Variants in CEMIP2 observed in about 807,000 individuals in gnomAD.
CEMIP2 encodes cell migration inducing hyaluronidase 2, also known as cell surface hyaluronidase CEMIP2.
CEMIP2 carries 79 observed loss-of-function variants against 146.9 expected under a neutral mutation model. That is an observed-to-expected ratio of 0.54 (90% CI 0.45 to 0.65). The LOEUF (loss-of-function observed/expected upper bound fraction) is 0.65. Ranked by LOEUF, CEMIP2 falls within the 30% of genes least tolerant of loss-of-function variation. CEMIP2 has a pLI of 0.00. For missense variants in CEMIP2, 1,596 were observed against 1,696.2 expected, an observed-to-expected ratio of 0.94 and a Z score of 1.04; for synonymous variants, 601 against 606.3, an observed-to-expected ratio of 0.99 and a Z score of 0.13.
chr9:71,707,598 G>A lies in CEMIP2; in HGVS notation c.2985+1661C>T, dbSNP rs1235112316. Reference sequence around the variant, plus strand: ...TCCAATTATTGAAAGCTCAGGTGGTGGAAACAACATGTAATTCAGGGGGCT... The same window carrying A: ...TCCAATTATTGAAAGCTCAGGTGGTAGAAACAACATGTAATTCAGGGGGCT... On this transcript the variant is annotated intron_variant, in intron 17 of 23. Coordinates refer to ENST00000377044, the MANE Select transcript of CEMIP2 (RefSeq NM_013390.3). Among the ~76,000 whole-genome samples, 10 of 152,304 alleles carry A rather than the reference G, an allele frequency of 6.6e-5. No individual in the cohort carries two copies. In the East Asian group the frequency reaches 1.9e-3, roughly 29 times the overall value.
At chr9:71,693,669 C>A (rs952627348) in intron 21 of CEMIP2, among the ~76,000 whole-genome samples, 1 of 152,182 alleles carries the variant, frequency 6.6e-6, no homozygotes, top group Admixed American at 6.5e-5. Flanking sequence ...GTTATTTATA[C>A]CTCTATTGTA....
At chr9:71,755,961 CAAAAAAAAAA>C (rs55972127) in intron 1 of CEMIP2, among the ~76,000 whole-genome samples, 3 of 52,898 alleles carry the variant, frequency 5.7e-5, no homozygotes, top group Non-Finnish European at 1.1e-4. Flanking sequence ...CTCTGTCTCA[CAAAAAAAAAA>C]AAAAAAAAAA....
chr9:71,695,653 G>A (rs932700756), intron 20 of CEMIP2, among the ~76,000 whole-genome samples: 19 of 151,976 alleles, frequency 1.3e-4, no homozygotes, highest in South Asian at 4.2e-4. Flanking sequence ...TAGCCTGGGC[G>A]ACAGAGTGAG....
intron 2 of CEMIP2, among the ~76,000 whole-genome samples, chr9:71,747,878 T>C (rs1824133165): frequency 6.6e-6 from 1 of 152,202 alleles, no homozygotes; most frequent in Non-Finnish European, 1.5e-5. Context: ...GAATTAGTTT[T>C]TCTCACAGCA....
At chr9:71,736,288 T>G (rs1480774284) in intron 5 of CEMIP2, among the ~76,000 whole-genome samples, 1 of 152,150 alleles carries the variant, frequency 6.6e-6, no homozygotes, top group African/African-American at 2.4e-5. Flanking sequence ...TCCGGTATTC[T>G]CTCGGTATAC....
In CEMIP2 at chr9:71,744,554, G is replaced by A. The variant is rs988548282; in HGVS notation, c.1034+464C>T. ...CAGCCTGCAAAGGAGTCCGAAAAAA[G>A]AAAAAGAAAAAGAAAAACTGCATAT... On this transcript the variant is annotated intron_variant, in intron 4 of 23. Transcript: ENST00000377044. Among the ~76,000 whole-genome samples, 5 of 152,008 alleles carry A rather than the reference G, an allele frequency of 3.3e-5. No homozygotes were observed. The South Asian group carries it at 1.0e-3, about 32-fold the overall frequency.
chr9:71,703,015 T>C (rs148825291), intron 18 of CEMIP2, among the ~76,000 whole-genome samples: 5 of 152,340 alleles, frequency 3.3e-5, no homozygotes, highest in Non-Finnish European at 5.9e-5. Flanking sequence ...GACAATTGTT[T>C]GTTTCTTTCA....
chr9:71,748,020 G>A (rs942108861), intron 2 of CEMIP2, among the ~76,000 whole-genome samples: 11 of 152,122 alleles, frequency 7.2e-5, no homozygotes, highest in African/African-American at 2.4e-4. Flanking sequence ...CCTTAATAAT[G>A]AGGATTCCTT....
intron 1 of CEMIP2, among the ~76,000 whole-genome samples, chr9:71,760,863 A>C (rs1305959003): frequency 1.3e-5 from 2 of 152,260 alleles, no homozygotes; most frequent in African/African-American, 4.8e-5. Context: ...AGGTCGTTGT[A>C]CCTACCAGTC....
intron 10 of CEMIP2, among the ~76,000 whole-genome samples, chr9:71,728,247 ATATGTATATACACG>A (rs1823465532): frequency 2.1e-5 from 1 of 47,132 alleles, no homozygotes; most frequent in Non-Finnish European, 4.7e-5. Context: ...ATATATATAT[ATATGTATATACACG>A]TATATATATA....
At chr9:71,698,460 T>C (rs1459179761) in intron 19 of CEMIP2, among the ~76,000 whole-genome samples, 1 of 152,244 alleles carries the variant, frequency 6.6e-6, no homozygotes, top group Non-Finnish European at 1.5e-5. Context: ...GATTTCTGGT[T>C]TGAATTAGTT....
At chr9:71,708,260 T>C (rs1424702268) in intron 17 of CEMIP2, among the ~76,000 whole-genome samples, 1 of 152,158 alleles carries the variant, frequency 6.6e-6, no homozygotes, top group Non-Finnish European at 1.5e-5. Context: ...CAGGATCTGC[T>C]CCTTTCAAAA....
rs74734899 is a variant in CEMIP2 at position 71,756,205 on chromosome 9, A to G, written c.-12-5820T>C. 8.7e-3 allele frequency among the ~76,000 whole-genome samples: 1,151 copies of G among 131,770 alleles called. 7 individuals carry two copies. The highest frequency in any genetic ancestry group is 0.015 in the South Asian group (49 of 3,264). The allele number at this position is 131,770 out of a possible 152,430, so 86.4% of individuals were successfully genotyped here. ...AAGCAAAAATGCTAGATAGATAGATAGATAGATAGGCTATATATATATGTA... is the reference window on the plus strand; with the variant it reads ...AAGCAAAAATGCTAGATAGATAGATGGATAGATAGGCTATATATATATGTA... On this transcript the variant is annotated intron_variant, in intron 1 of 23. Transcript: ENST00000377044.
chr9:71,705,892 A>G (rs1188453840), intron 17 of CEMIP2, among the ~76,000 whole-genome samples: 1 of 151,904 alleles, frequency 6.6e-6, no homozygotes, highest in Non-Finnish European at 1.5e-5. Context: ...TCCCTATATC[A>G]CCATCTTTCT....
chr9:71,725,834 G>T, intron 10 of CEMIP2, 125 bp from the exon 11 acceptor site: 1 of 1,062,876 alleles, frequency 9.4e-7, no homozygotes, highest in Non-Finnish European at 1.3e-6. Context: ...ATTATTGCAG[G>T]TTCAGAATTG....
intron 5 of CEMIP2, among the ~76,000 whole-genome samples, chr9:71,738,611 G>A (rs1334233338): frequency 4.0e-5 from 6 of 151,798 alleles, no homozygotes; most frequent in Non-Finnish European, 5.9e-5. Context: ...AGGCTGAGGC[G>A]GGTGGATCAC....
chr9:71,756,500 T>TCACACACA (rs1340015248), intron 1 of CEMIP2, among the ~76,000 whole-genome samples: 1 of 137,822 alleles, frequency 7.3e-6, no homozygotes, highest in Non-Finnish European at 1.6e-5. Context: ...TCTCTCTCTC[T>TCACACACA]CTCTCTCACA....
chr9:71,756,124 G>A (rs1056727506), intron 1 of CEMIP2, among the ~76,000 whole-genome samples: 1 of 150,642 alleles, frequency 6.6e-6, no homozygotes, highest in Non-Finnish European at 1.5e-5. Flanking sequence ...ACAACATACA[G>A]TAGATACTCA....
intron 13 of CEMIP2, 81 bp downstream of exon 13, chr9:71,717,867 T>A: frequency 7.5e-7 from 1 of 1,341,676 alleles, no homozygotes. Flanking sequence ...ATCACTGTGC[T>A]TTCATGCTAC....
Sources: allele counts gnomAD v4.1 joint callset (sites outside exome capture counted in the v4.1 genomes callset), GRCh38; gene constraint gnomAD v4.1.1; transcripts MANE v1.5; gene names NCBI Gene and HGNC (gene_info 2026-07-23, HGNC 2026-07-21).